Variants in DAB1 observed in about 807,000 individuals in gnomAD.
DAB1 encodes the protein disabled homolog 1.
Under a neutral mutation model 64.6 loss-of-function variants are expected in DAB1, and 15 were observed. The observed-to-expected ratio is 0.23, with a 90% confidence interval of 0.16 to 0.36. DAB1 has a LOEUF of 0.36. DAB1 is among the 10% of genes least tolerant of loss of function. The pLI, the probability that DAB1 is intolerant of heterozygous loss-of-function variation, is 1.00. For missense variants in DAB1, 596 were observed against 706.7 expected (o/e 0.84, Z 1.78); for synonymous variants, 235 against 251.9 (o/e 0.93, Z 0.64).
chr1:57,333,653 C>G (rs1676860508), intron 1 of DAB1, among the ~76,000 whole-genome samples: 1 of 152,200 alleles, frequency 6.6e-6, no homozygotes, highest in African/African-American at 2.4e-5. Flanking sequence ...ACTCCAGCTC[C>G]CTACAGACTA....
chr1:57,227,324 T>C (rs1249789378), intron 2 of DAB1, among the ~76,000 whole-genome samples: 2 of 152,176 alleles, frequency 1.3e-5, no homozygotes, highest in African/African-American at 2.4e-5. Context: ...GGCAGTATTC[T>C]AGGACTGGGG....
At chr1:58,411,726 GC>G (rs1644670466) in intron 3 of DAB1, among the ~76,000 whole-genome samples, 1 of 152,194 alleles carries the variant, frequency 6.6e-6, no homozygotes, top group African/African-American at 2.4e-5. Flanking sequence ...ATATGACCTA[GC>G]CACTTCCTTT....
intron 3 of DAB1, among the ~76,000 whole-genome samples, chr1:58,464,950 C>A (rs1297550359): frequency 6.6e-6 from 1 of 152,194 alleles, no homozygotes; most frequent in Non-Finnish European, 1.5e-5. Context: ...CCTAACCCAT[C>A]ATGTTGCTAA....
Position 58,294,292 on chromosome 1 carries a change from T to C in DAB1, n.309+49060A>G, listed in dbSNP as rs771132399. ...ATTTTTGGAAAAAATTACTTATTTA[T>C]ATAAATCCTATAGAAATTAATTCTT... On this transcript the variant is annotated intron_variant and non_coding_transcript_variant, in intron 4 of 20. Coordinates refer to the DAB1 transcript ENST00000485760. 2.7e-4 allele frequency among the ~76,000 whole-genome samples: 41 copies of C among 152,216 alleles called. 1 individual carries two copies. The highest frequency in any genetic ancestry group is 4.3e-4 in the Non-Finnish European group (29 of 68,032).
intron 3 of DAB1, among the ~76,000 whole-genome samples, chr1:57,143,873 A>C (rs1247884152): frequency 1.3e-5 from 2 of 151,482 alleles, no homozygotes; most frequent in Admixed American, 1.3e-4. Flanking sequence ...TATTTCATTG[A>C]CAAAGTCATG....
Position 57,175,169 on chromosome 1 carries a change from C to T in DAB1, c.68-29740G>A, listed in dbSNP as rs185728551. ...ACTTCATTACCAAGAGGCAGCACTCCAATTAGCAAACTGTATTCCAATGTC... is the reference window on the plus strand; with the variant it reads ...ACTTCATTACCAAGAGGCAGCACTCTAATTAGCAAACTGTATTCCAATGTC... On this transcript the variant is annotated intron_variant, in intron 2 of 14. Coordinates refer to ENST00000371236, the MANE Select transcript of DAB1 (RefSeq NM_001365792.1). 4.8e-4 allele frequency among the ~76,000 whole-genome samples: 73 copies of T among 152,202 alleles called. 1 individual carries two copies. In the East Asian group the frequency reaches 0.014, roughly 29 times the overall value.
chr1:57,553,442 G>GAAAAGAA (rs59263518), intron 7 of DAB1, among the ~76,000 whole-genome samples: 1 of 68,154 alleles, frequency 1.5e-5, no homozygotes, highest in Non-Finnish European at 2.8e-5. Context: ...AAGAAAGAAA[G>GAAAAGAA]AGAAAGAAAG....
At chr1:57,237,287 C>T (rs974249824) in intron 2 of DAB1, among the ~76,000 whole-genome samples, 4 of 152,150 alleles carry the variant, frequency 2.6e-5, no homozygotes, top group Non-Finnish European at 4.4e-5. Context: ...TAAAAGACAA[C>T]CTGTCCCCAT....
At chr1:58,543,648 C>T (rs1448414552) in intron 1 of DAB1, among the ~76,000 whole-genome samples, 2 of 152,126 alleles carry the variant, frequency 1.3e-5, no homozygotes, top group African/African-American at 4.8e-5. Flanking sequence ...TACAGTCCTA[C>T]CCTGGTAAAT....
chr1:58,178,232 C>T (rs1022642484), intron 4 of DAB1, among the ~76,000 whole-genome samples: 1 of 152,186 alleles, frequency 6.6e-6, no homozygotes, highest in East Asian at 1.9e-4. Flanking sequence ...TGCTCCTCCC[C>T]TCCGTTCTGA....
At chr1:57,716,565 A>G (rs1034016015) in intron 6 of DAB1, among the ~76,000 whole-genome samples, 7 of 152,226 alleles carry the variant, frequency 4.6e-5, no homozygotes, top group African/African-American at 1.7e-4. Flanking sequence ...ATCTCTCACC[A>G]TACACAAAAA....
At chr1:58,384,353 T>C (rs1283116907) in intron 3 of DAB1, among the ~76,000 whole-genome samples, 1 of 152,146 alleles carries the variant, frequency 6.6e-6, no homozygotes, top group African/African-American at 2.4e-5. Context: ...AAGTAGACGA[T>C]AGAATGGTGG....
At chr1:57,736,367 C>A (rs1557451245) in intron 6 of DAB1, among the ~76,000 whole-genome samples, 1 of 152,172 alleles carries the variant, frequency 6.6e-6, no homozygotes, top group Non-Finnish European at 1.5e-5. Context: ...AAAGACATTT[C>A]TCTAAGGTAG....
intron 3 of DAB1, among the ~76,000 whole-genome samples, chr1:58,376,564 T>C (rs1364672325): frequency 5.4e-5 from 8 of 147,602 alleles, no homozygotes; most frequent in Admixed American, 4.1e-4. Context: ...TAATTTCTGT[T>C]CGTTTACATT....
At chr1:57,765,632 C>T (rs1649276482) in intron 6 of DAB1, among the ~76,000 whole-genome samples, 1 of 152,108 alleles carries the variant, frequency 6.6e-6, no homozygotes, top group Admixed American at 6.6e-5. Context: ...CAGTGACCTC[C>T]ATGTTGCTGA....
chr1:58,536,837 C>T, intron 1 of DAB1: 3 of 701,538 alleles, frequency 4.3e-6, no homozygotes, highest in East Asian at 2.5e-5. Context: ...TCCTCAAATA[C>T]CTGAATTTGT....
Position 57,263,120 on chromosome 1 carries a change from A to ATTATT in DAB1, c.67+27843_67+27844insAATAA, listed in dbSNP as rs111948805. Reference sequence around the variant, plus strand: ...ATCATCTATGGAATAAGAAGATAAAATTTTTTTTTTTTTGAGACGGAGTCT... The same window carrying ATTATT: ...ATCATCTATGGAATAAGAAGATAAAATTATTTTTTTTTTTTTTTGAGACGGAGTCT... On this transcript the variant is annotated intron_variant, in intron 2 of 14. Coordinates refer to ENST00000371236, the MANE Select transcript of DAB1 (RefSeq NM_001365792.1). 4.5e-3 allele frequency among the ~76,000 whole-genome samples: 672 copies of ATTATT among 148,910 alleles called. 7 individuals are homozygous for ATTATT. The highest frequency in any genetic ancestry group is 0.016 in the African/African-American group (632 of 40,676).
At chr1:57,632,551 T>G (rs1646002674) in intron 7 of DAB1, among the ~76,000 whole-genome samples, 1 of 152,116 alleles carries the variant, frequency 6.6e-6, no homozygotes, top group Non-Finnish European at 1.5e-5. Context: ...ATTCACAATT[T>G]CACTGAAGAA....
intron 5 of DAB1, among the ~76,000 whole-genome samples, chr1:58,051,538 T>C (rs561825636): frequency 2.6e-5 from 4 of 152,336 alleles, no homozygotes; most frequent in African/African-American, 9.6e-5. Flanking sequence ...AGTAGCATGA[T>C]TTATAACCCT....
Sources: gnomAD v4.1 joint callset for allele counts (sites outside exome capture counted in the v4.1 genomes callset) on GRCh38, gnomAD v4.1.1 for gene constraint, MANE v1.5 for transcripts, NCBI Gene and HGNC (gene_info 2026-07-23, HGNC 2026-07-21) for gene names.